The following CDKL3 variants were observed in gnomAD, a reference collection of about 807,000 sequenced individuals.
The protein encoded by CDKL3 is cyclin-dependent kinase-like 3.
In CDKL3, 65 loss-of-function variants were observed where a neutral mutation model predicts 69.3. The ratio of observed to expected loss-of-function variants is 0.94; its 90% confidence interval spans 0.77 to 1.15. The LOEUF (loss-of-function observed/expected upper bound fraction) is 1.15. Ranked by LOEUF, CDKL3 falls within the 50% of genes most tolerant of loss-of-function variation. CDKL3 has a pLI of 0.00. For synonymous variants in CDKL3, 202 were observed against 221.6 expected (o/e 0.91, Z 0.79); for missense variants, 652 against 689.2 (o/e 0.95, Z 0.61).
At position 134,337,309 on chromosome 5, in the gene CDKL3, TG is replaced by T. The variant is rs1345963674; in HGVS notation, c.539+12939del. 3.9e-5 allele frequency among the ~76,000 whole-genome samples: 6 copies of T among 152,168 alleles called. No individual in the cohort carries two copies. In the South Asian group the frequency reaches 6.2e-4, roughly 16 times the overall value. On this transcript the variant is annotated intron_variant, in intron 4 of 12. Coordinates refer to ENST00000265334, the MANE Select transcript of CDKL3 (RefSeq NM_001113575.2). The stretch of plus-strand genomic sequence containing the variant: ...TCAATCCCTGACCCCTTGCACTTCC[TG>T]GGTGAGGCGACGCCCCTCCCTGCTT...
intron 7 of CDKL3, 32 bp from the exon 8 acceptor site, chr5:134,308,759 T>A: frequency 6.5e-7 from 1 of 1,534,086 alleles, no homozygotes; most frequent in Non-Finnish European, 8.7e-7. Context: ...ACGAGTAATC[T>A]TTTTATATAT....
At chr5:134,322,865 G>GT (rs374996546) in intron 4 of CDKL3, among the ~76,000 whole-genome samples, 224 of 152,202 alleles carry the variant, frequency 1.5e-3, no homozygotes, top group African/African-American at 5.2e-3. Context: ...TGTAATCCCA[G>GT]TTACTCAGGA....
At position 134,367,129 on chromosome 5, in the gene CDKL3, G is replaced by A; in HGVS notation, c.-174C>T. Reference sequence around the variant, plus strand: ...TGTTGCTCAGCCCCGCAAGGAACCGGCCACTTGCCACCATGGAAACGCCGG... The same window carrying A: ...TGTTGCTCAGCCCCGCAAGGAACCGACCACTTGCCACCATGGAAACGCCGG... On this transcript the variant is annotated 5_prime_UTR_variant, in exon 1 of 13. Coordinates refer to ENST00000265334, the MANE Select transcript of CDKL3 (RefSeq NM_001113575.2). 4.1e-6 allele frequency: 4 copies of A among 985,758 alleles called. No individual in the cohort carries two copies. The highest frequency in any genetic ancestry group is 4.8e-6 in the Non-Finnish European group (4 of 830,204). 61.1% of individuals were successfully genotyped at this position (985,758 alleles called of 1,614,324 possible).
At chr5:134,302,563 G>T in intron 12 of CDKL3, 27 bp downstream of exon 12, 1 of 1,186,684 alleles carries the variant, frequency 8.4e-7, no homozygotes, top group South Asian at 1.3e-5. Context: ...ACATGCCTTA[G>T]TAAAAGCTAT....
At chr5:134,351,946 CATT>C (rs1162596516) in intron 3 of CDKL3, among the ~76,000 whole-genome samples, 1 of 152,078 alleles carries the variant, frequency 6.6e-6, no homozygotes, top group Non-Finnish European at 1.5e-5. Flanking sequence ...AGAATACAAT[CATT>C]GTTATTAACT....
chr5:134,340,167 A>G (rs1055095746), intron 4 of CDKL3, among the ~76,000 whole-genome samples: 8 of 152,186 alleles, frequency 5.3e-5, no homozygotes, highest in Admixed American at 4.6e-4. Flanking sequence ...AAAGAAAAAG[A>G]AAAAGAAAAT....
Position 134,308,485 on chromosome 5 carries a change from A to G in CDKL3, c.1036-19T>C. Reference sequence around the variant, plus strand: ...CTATTTCCTGGAATAGATACATCCAAAATCTGAGTCATCATAACAGTTATT... The same window carrying G: ...CTATTTCCTGGAATAGATACATCCAGAATCTGAGTCATCATAACAGTTATT... On this transcript the variant is annotated intron_variant, in intron 8 of 12. Transcript: ENST00000265334. The G allele has an allele frequency of 6.3e-7, 1 of 1,575,838 alleles. No homozygotes were observed. Among genetic ancestry groups the G allele is most frequent in the Non-Finnish European group, 8.6e-7 (1 of 1,163,792 alleles).
At chr5:134,362,649 C>T (rs1033362424) in intron 2 of CDKL3, among the ~76,000 whole-genome samples, 1 of 152,124 alleles carries the variant, frequency 6.6e-6, no homozygotes, top group African/African-American at 2.4e-5. Context: ...CCAGTGAGTG[C>T]CAGGTGCAGT....
At chr5:134,321,174 A>C (rs1280876166) in intron 5 of CDKL3, among the ~76,000 whole-genome samples, 1 of 151,308 alleles carries the variant, frequency 6.6e-6, no homozygotes, top group Non-Finnish European at 1.5e-5. Context: ...ATACCTGGCT[A>C]ATTTTTTTTG....
chr5:134,312,361 G>T lies in CDKL3; in HGVS notation c.812C>A (p.Pro271His). The change falls in exon 7 of 13, where the codon CCT (proline) becomes CAT (histidine). Residue 271 changes from proline (P) to histidine (H), a missense_variant. Physicochemically the swap from Pro to His is moderately conservative, Grantham distance 77. Transcript: ENST00000265334. Reference protein sequence around the residue: ...DIVHACLQIDPADRISSSDLL... With the variant: ...DIVHACLQIDHADRISSSDLL... ...ATCACTAGATGATATCCTGTCAGCA[G>T]GATCAATTTGTAAACAAGCCTAGGA... 6.3e-7 allele frequency: 1 copy of T among 1,592,076 alleles called. No individual in the cohort carries two copies. The highest frequency in any genetic ancestry group is 8.5e-7 in the Non-Finnish European group (1 of 1,170,186).
chr5:134,346,557 T>A (rs928119601), intron 4 of CDKL3, among the ~76,000 whole-genome samples: 5 of 152,278 alleles, frequency 3.3e-5, no homozygotes, highest in African/African-American at 9.6e-5. Context: ...GGTGCTGCGG[T>A]GCGATCTCGG....
intron 6 of CDKL3, 47 bp from the exon 7 acceptor site, chr5:134,312,427 C>A: frequency 1.0e-6 from 1 of 956,158 alleles, no homozygotes; most frequent in Non-Finnish European, 1.6e-6. Flanking sequence ...AACAGGGCTC[C>A]ATATGGTAAA....
At chr5:134,316,265 T>C (rs1771031619) in intron 6 of CDKL3, among the ~76,000 whole-genome samples, 1 of 151,984 alleles carries the variant, frequency 6.6e-6, no homozygotes, top group Non-Finnish European at 1.5e-5. Flanking sequence ...TTCTAGTAAT[T>C]TCTCCTAAAA....
At chr5:134,298,912 T>C (rs2149409119) in intron 12 of CDKL3, among the ~76,000 whole-genome samples, 1 of 152,214 alleles carries the variant, frequency 6.6e-6, no homozygotes, top group East Asian at 1.9e-4. Flanking sequence ...TCTCGCTCTG[T>C]GCTCAGGCTG....
At chr5:134,302,245 G>A in intron 12 of CDKL3, 1 of 459,228 alleles carries the variant, frequency 2.2e-6, no homozygotes, top group South Asian at 1.5e-5. Context: ...GAGGCTTAAA[G>A]GCAAAGACAC....
intron 6 of CDKL3, among the ~76,000 whole-genome samples, chr5:134,314,170 C>T (rs1770377711): frequency 6.6e-6 from 1 of 151,822 alleles, no homozygotes; most frequent in Non-Finnish European, 1.5e-5. Flanking sequence ...ACGAAACAAA[C>T]AAATTAAAAA....
intron 3 of CDKL3, among the ~76,000 whole-genome samples, chr5:134,358,738 G>A (rs1356623910): frequency 6.6e-6 from 1 of 152,102 alleles, no homozygotes; most frequent in African/African-American, 2.4e-5. Flanking sequence ...ACAAGTAGCC[G>A]GGAGTACAGG....
chr5:134,360,998 G>A (rs1352684809), intron 2 of CDKL3, among the ~76,000 whole-genome samples: 2 of 152,112 alleles, frequency 1.3e-5, no homozygotes, highest in Non-Finnish European at 2.9e-5. Context: ...GTGGGTGAAC[G>A]TTTGCTCCTT....
downstream of CDKL3, among the ~76,000 whole-genome samples, chr5:134,285,636 G>T (rs1764829951): frequency 6.6e-6 from 1 of 152,226 alleles, no homozygotes; most frequent in Admixed American, 6.5e-5. Context: ...TTGTCTTGGG[G>T]ATTAACAGTC....
Sources: gnomAD v4.1 joint callset for allele counts (sites outside exome capture counted in the v4.1 genomes callset) on GRCh38, gnomAD v4.1.1 for gene constraint, MANE v1.5 for transcripts, NCBI Gene and HGNC (gene_info 2026-07-23, HGNC 2026-07-21) for gene names.